ENTPD5: variants seen among roughly 807,000 people sequenced by gnomAD.
ENTPD5 encodes nucleoside diphosphate phosphatase ENTPD5.
ENTPD5 carries 49 observed loss-of-function variants against 60.2 expected under a neutral mutation model. That is an observed-to-expected ratio of 0.81 (90% CI 0.65 to 1.03). The LOEUF (loss-of-function observed/expected upper bound fraction) is 1.03. Among genes scored for constraint, ENTPD5 ranks in the 50% least tolerant of loss-of-function variants. The pLI is 0.00. For missense variants in ENTPD5, 480 were observed against 507.6 expected (o/e 0.95, Z 0.52); for synonymous variants, 187 against 185.4 (o/e 1.01, Z -0.07).
At chr14:74,004,930 T>C (rs1164954170) in intron 3 of ENTPD5, among the ~76,000 whole-genome samples, 4 of 152,162 alleles carry the variant, frequency 2.6e-5, no homozygotes, top group African/African-American at 9.6e-5. Context: ...GGCTGGCTAC[T>C]GTAAGCTGTA....
chr14:73,985,520 G>A (rs1375867645), intron 5 of ENTPD5, among the ~76,000 whole-genome samples: 4 of 152,090 alleles, frequency 2.6e-5, no homozygotes, highest in African/African-American at 4.8e-5. Context: ...TCATGTGTCC[G>A]TTGGCTGCAT....
At chr14:74,018,376 C>CAAGTT (rs1466827442) in intron 1 of ENTPD5, 1 of 152,158 alleles carries the variant, frequency 6.6e-6, no homozygotes. Flanking sequence ...TCTACAACCA[C>CAAGTT]ATTTAAAATA....
At position 73,973,055 on chromosome 14, in the gene ENTPD5, G is replaced by A. The variant is rs774105671; in HGVS notation, c.887-31C>T. 8.7e-6 allele frequency: 14 copies of A among 1,612,092 alleles called. No individual in the cohort carries two copies. In the South Asian group the frequency reaches 1.5e-4, roughly 18 times the overall value. ...AGGCAAAGGTGCACAGGGGTAAGGT[G>A]AGAACGACGCTGGGGGAAGGGGACA... On this transcript the variant is annotated intron_variant, in intron 12 of 15. Transcript: ENST00000334696.
At chr14:74,007,921 C>A (rs988434952) in intron 3 of ENTPD5, 1 of 146,492 alleles carries the variant, frequency 6.8e-6, no homozygotes, top group South Asian at 2.2e-4. Context: ...ACCTGCACCT[C>A]CCAGGTTCAA....
At chr14:73,956,924 T>C (rs1296069130), downstream of ENTPD5, 1 of 152,060 alleles carries the variant, frequency 6.6e-6, no homozygotes, top group African/African-American at 2.4e-5. Flanking sequence ...TTCCATAATA[T>C]ATTGGGTCAT....
intron 3 of ENTPD5, among the ~76,000 whole-genome samples, chr14:74,002,709 T>C (rs1225313370): frequency 1.3e-5 from 2 of 152,208 alleles, no homozygotes; most frequent in Non-Finnish European, 2.9e-5. Flanking sequence ...TCCTAACAGA[T>C]CTTCCTGCTT....
At chr14:73,980,346 G>A (rs2057631268) in intron 6 of ENTPD5, among the ~76,000 whole-genome samples, 2 of 150,708 alleles carry the variant, frequency 1.3e-5, no homozygotes, top group Admixed American at 1.3e-4. Context: ...CTCACTGCAA[G>A]CTCCGCCTCC....
At chr14:73,983,185 T>A (rs371826135) in intron 5 of ENTPD5, 24 bp from the exon 6 acceptor site, 340 of 1,595,560 alleles carry the variant, frequency 2.1e-4, no homozygotes, top group Non-Finnish European at 2.7e-4. Flanking sequence ...AACCCGTTCA[T>A]CTGATGAACG....
At chr14:73,975,071 T>G (rs567849241) in intron 10 of ENTPD5, 86 bp from the exon 11 acceptor site, 4 of 1,017,334 alleles carry the variant, frequency 3.9e-6, no homozygotes, top group South Asian at 1.4e-5. Flanking sequence ...ACATTGTTCC[T>G]GTGTCCCTCT....
downstream of ENTPD5, chr14:73,962,997 T>C (rs1411130606): frequency 6.2e-7 from 1 of 1,607,458 alleles, no homozygotes; most frequent in Non-Finnish European, 8.5e-7. Flanking sequence ...TGCAAGCAAA[T>C]GAGTACTCCT....
At chr14:74,013,486 C>CT (rs2140876125) in intron 2 of ENTPD5, among the ~76,000 whole-genome samples, 1 of 151,570 alleles carries the variant, frequency 6.6e-6, no homozygotes, top group Non-Finnish European at 1.5e-5. Context: ...ATTATGAGAT[C>CT]TTTTTTTGTG....
chr14:73,977,338 G>C lies in ENTPD5; in HGVS notation c.478C>G (p.Pro160Ala), dbSNP rs545272330. Residue 160 changes from proline to alanine, a missense_variant, in exon 7 of 16, where the codon CCA (proline) becomes GCA (alanine). By Grantham distance (27) the Pro-to-Ala change is conservative. Coordinates refer to ENST00000334696, the MANE Select transcript of ENTPD5 (RefSeq NM_001249.5). ...TCCATGATGCTAACACTGCCCTTTG[G>C]TACCAGGAAAGGTGACTTCCTGAAG... is the stretch of plus-strand genomic sequence containing the variant. ...EIFRKSPFLV[P>A]KGSVSIMDGS... The C allele has an allele frequency of 3.5e-5, 56 of 1,606,318 alleles. 1 individual carries two copies. In the South Asian group the frequency reaches 5.9e-4, roughly 17 times the overall value.
chr14:73,961,129 T>TA (rs1189188365), downstream of ENTPD5: 1 of 1,594,806 alleles, frequency 6.3e-7, no homozygotes, highest in African/African-American at 1.3e-5. Context: ...AATTCCCTGC[T>TA]ACTCACATTT....
chr14:73,962,930 A>C, downstream of ENTPD5: 1 of 1,504,862 alleles, frequency 6.6e-7, no homozygotes, highest in Non-Finnish European at 9.2e-7. Flanking sequence ...TCTTCACCTT[A>C]CTGTGTTAAG....
intron 3 of ENTPD5, among the ~76,000 whole-genome samples, chr14:73,999,656 G>A (rs754532486): frequency 4.0e-5 from 6 of 151,806 alleles, no homozygotes; most frequent in Non-Finnish European, 8.8e-5. Flanking sequence ...GCCAGGCGCA[G>A]TGGCGCGTGC....
chr14:73,962,361 G>A (rs567719918), downstream of ENTPD5, among the ~76,000 whole-genome samples: 4 of 152,034 alleles, frequency 2.6e-5, no homozygotes, highest in East Asian at 1.9e-4. Context: ...TAGGTGTTAC[G>A]GCCCACATCT....
chr14:73,998,480 A>G (rs2058406599), intron 3 of ENTPD5, among the ~76,000 whole-genome samples: 1 of 152,156 alleles, frequency 6.6e-6, no homozygotes, highest in South Asian at 2.1e-4. Flanking sequence ...AGTGACAGCC[A>G]TTCCAGAAAT....
intron 3 of ENTPD5, among the ~76,000 whole-genome samples, chr14:73,991,362 C>T (rs1474391193): frequency 3.3e-5 from 5 of 151,898 alleles, no homozygotes; most frequent in African/African-American, 7.3e-5. Flanking sequence ...CCAATGCTGG[C>T]GGATCACTTG....
intron 6 of ENTPD5, among the ~76,000 whole-genome samples, chr14:73,979,324 T>G (rs956293104): frequency 4.0e-5 from 6 of 151,898 alleles, no homozygotes; most frequent in African/African-American, 1.5e-4. Flanking sequence ...GAACCTAACA[T>G]AACTTTCTTT....
Sources: gnomAD v4.1 joint callset for allele counts (sites outside exome capture counted in the v4.1 genomes callset) on GRCh38, gnomAD v4.1.1 for gene constraint, MANE v1.5 for transcripts, NCBI Gene and HGNC (gene_info 2026-07-23, HGNC 2026-07-21) for gene names.